The following CACNA1A variants were observed in gnomAD, a reference collection of about 807,000 sequenced individuals.
CACNA1A encodes the protein voltage-dependent P/Q-type calcium channel subunit alpha-1A.
CACNA1A carries 57 observed loss-of-function variants against 262.4 expected under a neutral mutation model. That is an observed-to-expected ratio of 0.22 (90% confidence interval 0.18 to 0.27). CACNA1A has a LOEUF of 0.27. Ranked by LOEUF, CACNA1A falls within the 10% of genes least tolerant of loss-of-function variation. CACNA1A has a pLI of 1.00. For synonymous variants in CACNA1A, 1,431 were observed against 1,419.3 expected (o/e 1.01, Z -0.18); for missense variants, 2,526 against 3,562.8 (o/e 0.71, Z 7.41).
At chr19:13,330,454 G>C in intron 9 of CACNA1A, 121 bp from the exon 10 acceptor site, 1 of 743,116 alleles carries the variant, frequency 1.3e-6, no homozygotes, top group Non-Finnish European at 2.4e-6. Context: ...GGAACTAATA[G>C]TATACCCATT....
chr19:13,459,860 C>A (rs2144971701), intron 1 of CACNA1A, among the ~76,000 whole-genome samples: 1 of 152,270 alleles, frequency 6.6e-6, no homozygotes, highest in South Asian at 2.1e-4. Context: ...CAGCATGCAG[C>A]ACTTTTATGG....
intron 1 of CACNA1A, among the ~76,000 whole-genome samples, chr19:13,505,311 C>G (rs1164713116): frequency 6.6e-6 from 1 of 152,040 alleles, no homozygotes; most frequent in Non-Finnish European, 1.5e-5. Flanking sequence ...GGAACAGCGG[C>G]CCACCCTGGG....
At chr19:13,482,933 T>C (rs1336979073) in intron 1 of CACNA1A, among the ~76,000 whole-genome samples, 3 of 149,660 alleles carry the variant, frequency 2.0e-5, no homozygotes, top group Non-Finnish European at 3.0e-5. Flanking sequence ...TCTGCCTCCT[T>C]CCTCTCTTCC....
intron 22 of CACNA1A, among the ~76,000 whole-genome samples, chr19:13,282,430 C>T (rs1040108661): frequency 8.5e-5 from 13 of 152,142 alleles, no homozygotes; most frequent in Non-Finnish European, 1.9e-4. Context: ...GAGGCACGCC[C>T]TTGCCTGTTG....
intron 3 of CACNA1A, among the ~76,000 whole-genome samples, chr19:13,411,667 C>T (rs1568619022): frequency 6.6e-6 from 1 of 150,924 alleles, no homozygotes; most frequent in African/African-American, 2.5e-5. Context: ...CCTTGACTTC[C>T]CTCTCTCTCT....
rs949225133 is a variant in CACNA1A, at chr19:13,308,932, G to C, written c.1669-404C>G. 1.3e-5 allele frequency: 2 copies of C among 154,552 alleles called. No homozygotes were observed. Among genetic ancestry groups the C allele is most frequent in the African/African-American group, 4.8e-5 (2 of 41,524 alleles). 9.6% of individuals were successfully genotyped at this position (154,552 alleles called of 1,614,324 possible). On this transcript the variant is annotated intron_variant, in intron 12 of 46. Transcript: ENST00000360228. The surrounding 1 kb of genome is among the most constrained non-coding windows in gnomAD (Gnocchi z 4.2). ...GGGCTGAAGCCATCCTCCTGCTTTGGTCTCTCCAACTGTTGGCCTCCACTT... is the reference window on the plus strand; with the variant it reads ...GGGCTGAAGCCATCCTCCTGCTTTGCTCTCTCCAACTGTTGGCCTCCACTT...
chr19:13,321,348 T>C (rs2058249109), intron 10 of CACNA1A, among the ~76,000 whole-genome samples: 1 of 152,112 alleles, frequency 6.6e-6, no homozygotes, highest in Non-Finnish European at 1.5e-5. Context: ...GTCTGCAATG[T>C]TCTATGGTGG....
At chr19:13,302,694 C>T (rs2057811056) in intron 17 of CACNA1A, among the ~76,000 whole-genome samples, 2 of 152,196 alleles carry the variant, frequency 1.3e-5, no homozygotes, top group Admixed American at 6.5e-5. Flanking sequence ...TGGATCAGCC[C>T]TCGGCTCAGC....
At chr19:13,415,742 T>C (rs1327357655) in intron 3 of CACNA1A, among the ~76,000 whole-genome samples, 1 of 23,416 alleles carries the variant, frequency 4.3e-5, no homozygotes, top group Non-Finnish European at 8.4e-5. Flanking sequence ...TCTGTCTCAA[T>C]TAAAAAAAAA....
At chr19:13,338,869 A>C (rs995568640) in intron 6 of CACNA1A, among the ~76,000 whole-genome samples, 1 of 150,980 alleles carries the variant, frequency 6.6e-6, no homozygotes, top group Non-Finnish European at 1.5e-5. Context: ...AATTCTTAAA[A>C]AGTTGTTTTT....
chr19:13,228,656 C>T, intron 36 of CACNA1A: 1 of 868,720 alleles, frequency 1.2e-6, no homozygotes, highest in Non-Finnish European at 1.8e-6. Context: ...CCCCAAGCCA[C>T]ACTCATTCCA....
At chr19:13,337,338 C>G (rs376044997) in intron 6 of CACNA1A, among the ~76,000 whole-genome samples, 12 of 152,288 alleles carry the variant, frequency 7.9e-5, no homozygotes, top group African/African-American at 2.4e-4. Flanking sequence ...GGTTTGCTGG[C>G]AATCTTTGCT....
intron 12 of CACNA1A, among the ~76,000 whole-genome samples, chr19:13,309,999 G>A (rs1202626082): frequency 6.6e-6 from 1 of 152,076 alleles, no homozygotes; most frequent in African/African-American, 2.4e-5. Context: ...CCAGACCCTA[G>A]CAACCACTAA....
Position 13,212,473 on chromosome 19 carries a change from G to A in CACNA1A, c.6100C>T (p.Arg2034Cys). 2 of 1,600,308 alleles carry A rather than the reference G, an allele frequency of 1.2e-6. No individual in the cohort carries two copies. Among genetic ancestry groups the A allele is most frequent in the South Asian group, 1.1e-5 (1 of 89,032 alleles). The part of the protein sequence containing the change: ...LKESPSWVTQ[R>C]AQEMFQKTGT... ...GTCTTCTGGAACATCTCCTGGGCAC[G>A]CTGGGTCACCCAGGACGGGCTCTCC... Residue 2034 changes from arginine (R) to cysteine (C), a missense_variant, in exon 42 of 47, where the codon CGT becomes TGT. Arg to Cys is a radical substitution (Grantham distance 180, BLOSUM62 -3). This residue lies in a region of CACNA1A where 929 missense variants were observed against 868.1 expected (regional missense o/e 1.07). Transcript: ENST00000360228. The surrounding 1 kb of genome is among the most constrained non-coding windows in gnomAD (Gnocchi z 5.6).
intron 17 of CACNA1A, 34 bp from the exon 18 acceptor site, chr19:13,300,690 A>G (rs1337125697): frequency 2.6e-6 from 4 of 1,548,114 alleles, no homozygotes; most frequent in Non-Finnish European, 3.6e-6. Flanking sequence ...TTCACAAAAC[A>G]TGAACTAGGC....
chr19:13,268,486 T>G (rs1019722679), intron 24 of CACNA1A, among the ~76,000 whole-genome samples: 21 of 150,030 alleles, frequency 1.4e-4, no homozygotes, highest in Admixed American at 9.4e-4. Context: ...CAGGCTGGAG[T>G]GCAGTGGCAA....
At chr19:13,253,592 C>T (rs2056462762) in intron 29 of CACNA1A, among the ~76,000 whole-genome samples, 1 of 151,068 alleles carries the variant, frequency 6.6e-6, no homozygotes, top group East Asian at 2.0e-4. Context: ...ACTACAGGTG[C>T]CCACCACCAT....
chr19:13,474,209 G>C lies in CACNA1A; in HGVS notation c.294-18997C>G, dbSNP rs939331216. 3.3e-5 allele frequency among the ~76,000 whole-genome samples: 5 copies of C among 152,276 alleles called. No homozygotes were observed. In the Middle Eastern group the frequency reaches 0.014, roughly 414 times the overall value. On this transcript the variant is annotated intron_variant, in intron 1 of 46. Coordinates refer to ENST00000360228, the MANE Select transcript of CACNA1A (RefSeq NM_001127222.2). ...GAGCCTCGGCCAAGATCTCCTGCTC[G>C]GGTCTTCACTGACCCCGACTGAATC...
chr19:13,259,312 C>CTGTTTTTT (rs2056659065), intron 27 of CACNA1A: 1 of 52,196 alleles, frequency 1.9e-5, no homozygotes, highest in Non-Finnish European at 3.7e-5. Flanking sequence ...TGCCTGGCAG[C>CTGTTTTTT]TTTTTTTTTT....
Sources: gnomAD v4.1 joint callset for allele counts (sites outside exome capture counted in the v4.1 genomes callset) on GRCh38, gnomAD v4.1.1 for gene constraint, gnomAD v4.1.1 regional missense constraint, Gnocchi (gnomAD v3.1) non-coding constraint, MANE v1.5 for transcripts, NCBI Gene and HGNC (gene_info 2026-07-23, HGNC 2026-07-21) for gene names.